Variants in LHFPL6 observed in about 807,000 individuals in gnomAD.
The protein encoded by LHFPL6 is LHFPL tetraspan subfamily member 6 protein.
A neutral mutation model predicts 20.6 loss-of-function variants in LHFPL6; 9 were observed. The ratio of observed to expected loss-of-function variants is 0.44; its 90% confidence interval spans 0.26 to 0.76. LHFPL6 has a LOEUF of 0.76. Among genes scored for constraint, LHFPL6 ranks in the 30% least tolerant of loss-of-function variants. The pLI is 0.20. For missense variants in LHFPL6, 218 were observed against 253.5 expected (o/e 0.86, Z 0.95); for synonymous variants, 105 against 98.7 (o/e 1.06, Z -0.38).
intron 2 of LHFPL6, among the ~76,000 whole-genome samples, chr13:39,382,532 G>T (rs1870470345): frequency 6.6e-6 from 1 of 152,090 alleles, no homozygotes; most frequent in South Asian, 2.1e-4. Flanking sequence ...TGGGATTACA[G>T]GCGCGTACCC....
chr13:39,376,173 TAAC>T (rs577633021), intron 3 of LHFPL6, among the ~76,000 whole-genome samples: 4 of 152,040 alleles, frequency 2.6e-5, no homozygotes, highest in Non-Finnish European at 5.9e-5. Context: ...CAATACACAA[TAAC>T]AACAGGTCAG....
intron 2 of LHFPL6, among the ~76,000 whole-genome samples, chr13:39,569,473 G>A (rs1871844407): frequency 6.6e-6 from 1 of 152,038 alleles, no homozygotes; most frequent in African/African-American, 2.4e-5. Context: ...ATTTTATGTT[G>A]AGAACCTGAA....
At chr13:39,529,311 C>T (rs528062956) in intron 2 of LHFPL6, among the ~76,000 whole-genome samples, 3 of 152,084 alleles carry the variant, frequency 2.0e-5, no homozygotes, top group Non-Finnish European at 2.9e-5. Context: ...AGGCTGGTCT[C>T]GAACTCCTGA....
chr13:39,453,782 C>A (rs1177641235), intron 2 of LHFPL6, among the ~76,000 whole-genome samples: 1 of 152,170 alleles, frequency 6.6e-6, no homozygotes, highest in Non-Finnish European at 1.5e-5. Context: ...ACAAGACAGA[C>A]AAATTACTGC....
chr13:39,429,028 A>G (rs921724536), intron 2 of LHFPL6, among the ~76,000 whole-genome samples: 1 of 152,168 alleles, frequency 6.6e-6, no homozygotes, highest in Admixed American at 6.5e-5. Context: ...GTCAGACAAC[A>G]TGACTTGAAT....
intron 2 of LHFPL6, among the ~76,000 whole-genome samples, chr13:39,446,343 G>A (rs535385251): frequency 9.9e-5 from 15 of 152,268 alleles, no homozygotes; most frequent in Admixed American, 3.3e-4. Context: ...TTAGTTGAAA[G>A]GTGCTATGAA....
intron 3 of LHFPL6, among the ~76,000 whole-genome samples, chr13:39,347,159 A>G (rs1371875802): frequency 6.6e-6 from 1 of 151,820 alleles, no homozygotes; most frequent in African/African-American, 2.4e-5. Context: ...TGAGGGCTTA[A>G]ATGTCTGCTG....
intron 2 of LHFPL6, among the ~76,000 whole-genome samples, chr13:39,456,412 C>T (rs1317656826): frequency 6.6e-6 from 1 of 152,144 alleles, no homozygotes; most frequent in Non-Finnish European, 1.5e-5. Flanking sequence ...TGCGAAAAGT[C>T]AAGAGATCAA....
chr13:39,596,026 A>G (rs973672835), intron 2 of LHFPL6, among the ~76,000 whole-genome samples: 7 of 152,198 alleles, frequency 4.6e-5, no homozygotes, highest in African/African-American at 1.7e-4. Context: ...AAACTTCAGA[A>G]GTTGTATTAA....
Position 39,408,572 on chromosome 13 carries a change from G to A in LHFPL6, c.386-30046C>T, listed in dbSNP as rs764969780. On this transcript the variant is annotated intron_variant, in intron 2 of 3. Transcript: ENST00000379589. The stretch of plus-strand genomic sequence containing the variant: ...AATGCATTCTCCCATAATTTGGGCC[G>A]ATTCTATTTTCATTATAGTGCTTTC... Among the ~76,000 whole-genome samples, 37 of 152,178 alleles carry A rather than the reference G, an allele frequency of 2.4e-4. 1 individual carries two copies. The highest frequency in any genetic ancestry group is 8.4e-4 in the African/African-American group (35 of 41,428).
intron 2 of LHFPL6, among the ~76,000 whole-genome samples, chr13:39,434,352 C>A (rs565018171): frequency 6.6e-6 from 1 of 152,192 alleles, no homozygotes; most frequent in South Asian, 2.1e-4. Context: ...AATAAGCATG[C>A]AAAGAAGGCA....
intron 2 of LHFPL6, among the ~76,000 whole-genome samples, chr13:39,514,952 G>A (rs1869853943): frequency 6.6e-6 from 1 of 152,172 alleles, no homozygotes; most frequent in African/African-American, 2.4e-5. Flanking sequence ...ATGAACATGT[G>A]AGTTTTCTAG....
At chr13:39,468,871 TG>T (rs1872869558) in intron 2 of LHFPL6, among the ~76,000 whole-genome samples, 1 of 71,050 alleles carries the variant, frequency 1.4e-5, no homozygotes, top group African/African-American at 5.0e-5. Context: ...AGCTGGAAGA[TG>T]CCAAATGTAA....
rs556466259 is a variant in LHFPL6, at chr13:39,427,490, T to C, written c.386-48964A>G. ...TAAGAGTTTTTATCAGTTATAGCTG[T>C]TGGATTTTGTAAAATGTTCTTATTG... On this transcript the variant is annotated intron_variant, in intron 2 of 3. Transcript: ENST00000379589. Among the ~76,000 whole-genome samples the C allele has an allele frequency of 2.6e-5, 4 of 152,338 alleles. No homozygotes were observed. In the East Asian group the frequency reaches 7.7e-4, roughly 29 times the overall value.
At chr13:39,459,311 C>T (rs1872640801) in intron 2 of LHFPL6, among the ~76,000 whole-genome samples, 1 of 150,644 alleles carries the variant, frequency 6.6e-6, no homozygotes, top group African/African-American at 2.4e-5. Context: ...CCTTTTCTTT[C>T]TTCTTTACTC....
intron 2 of LHFPL6, among the ~76,000 whole-genome samples, chr13:39,556,931 C>G (rs888642275): frequency 5.3e-5 from 8 of 152,126 alleles, no homozygotes; most frequent in African/African-American, 1.9e-4. Context: ...CACTGCAGTC[C>G]AGCCTGAGTG....
intron 2 of LHFPL6, among the ~76,000 whole-genome samples, chr13:39,572,930 T>C (rs1018916120): frequency 8.5e-5 from 13 of 152,166 alleles, no homozygotes; most frequent in African/African-American, 2.9e-4. Context: ...TCAGAATTCA[T>C]AGGAAAGTAA....
At chr13:39,491,358 AG>A (rs1249506988) in intron 2 of LHFPL6, among the ~76,000 whole-genome samples, 3 of 152,172 alleles carry the variant, frequency 2.0e-5, no homozygotes, top group Admixed American at 2.0e-4. Flanking sequence ...GAAAGAGCGG[AG>A]GGAGCTTCAA....
intron 2 of LHFPL6, among the ~76,000 whole-genome samples, chr13:39,505,568 C>T (rs369593891): frequency 2.0e-4 from 30 of 151,560 alleles, no homozygotes; most frequent in African/African-American, 7.0e-4. Context: ...CTCCAGAAGG[C>T]AGAGTTTAAT....
Sources: allele counts gnomAD v4.1 joint callset (sites outside exome capture counted in the v4.1 genomes callset), GRCh38; gene constraint gnomAD v4.1.1; transcripts MANE v1.5; gene names NCBI Gene and HGNC (gene_info 2026-07-23, HGNC 2026-07-21).